DYNC2H1: variants seen among roughly 807,000 people sequenced by gnomAD.
DYNC2H1 encodes dynein cytoplasmic 2 heavy chain 1, also known as cytoplasmic dynein 2 heavy chain 1.
A neutral mutation model predicts 570.0 loss-of-function variants in DYNC2H1; 410 were observed. The ratio of observed to expected loss-of-function variants is 0.72; its 90% CI spans 0.66 to 0.78. The LOEUF (loss-of-function observed/expected upper bound fraction) is 0.78. DYNC2H1 is among the 30% of genes least tolerant of loss of function. DYNC2H1 has a pLI of 0.00. For missense variants in DYNC2H1, 4,865 were observed against 5,046.4 expected (o/e 0.96, Z 1.09); for synonymous variants, 1,688 against 1,677.6 (o/e 1.01, Z -0.15).
chr11:103,335,994 GAC>G (rs1457649346), intron 82 of DYNC2H1, among the ~76,000 whole-genome samples: 2 of 152,114 alleles, frequency 1.3e-5, no homozygotes, highest in Non-Finnish European at 2.9e-5. Context: ...ATGCCTGTAT[GAC>G]ACACTCAGAG....
intron 83 of DYNC2H1, among the ~76,000 whole-genome samples, chr11:103,374,462 C>T (rs572602345): frequency 1.6e-4 from 24 of 152,172 alleles, no homozygotes; most frequent in African/African-American, 4.3e-4. Flanking sequence ...TACCCAAGAA[C>T]GTGGAAAGCA....
intron 87 of DYNC2H1, among the ~76,000 whole-genome samples, chr11:103,462,760 T>TA (rs1945060999): frequency 6.6e-6 from 1 of 152,228 alleles, no homozygotes; most frequent in Non-Finnish European, 1.5e-5. Context: ...CTTGTATATC[T>TA]AATGTTTCAG....
chr11:103,376,932 C>T (rs1452282352), intron 83 of DYNC2H1, among the ~76,000 whole-genome samples: 34 of 152,086 alleles, frequency 2.2e-4, no homozygotes, highest in Admixed American at 1.6e-3. Context: ...TGATTTTTTT[C>T]TCAGTACTTT....
At position 103,109,445 on chromosome 11, in the gene DYNC2H1, A is replaced by T. The variant is rs1267749441; in HGVS notation, c.-130A>T. On this transcript the variant is annotated 5_prime_UTR_variant, in exon 1 of 89. Transcript: ENST00000375735. ...GTCGCCATAGCGACTACCCCTGGCA[A>T]CCGCGAAGCTCTGCGGTCCCGCGGT... The T allele has an allele frequency of 1.1e-6, 1 of 904,146 alleles. No individual in the cohort carries two copies. The highest frequency in any genetic ancestry group is 1.7e-5 in the African/African-American group (1 of 59,374). The allele number at this position is 904,146 out of a possible 1,614,324, so 56.0% of individuals were successfully genotyped here.
chr11:103,219,504 T>C (rs1192480141), intron 55 of DYNC2H1, among the ~76,000 whole-genome samples: 1 of 151,956 alleles, frequency 6.6e-6, no homozygotes, highest in Admixed American at 6.6e-5. Context: ...CCCAGCTACT[T>C]GTGAGGCTGA....
At position 103,303,293 on chromosome 11, in the gene DYNC2H1, G is replaced by C. The variant is rs372378961; in HGVS notation, c.11256+40G>C. 2.3e-5 allele frequency: 36 copies of C among 1,586,266 alleles called. No individual in the cohort carries two copies. In the African/African-American group the frequency reaches 4.2e-4, roughly 18 times the overall value. ...TCCCGCTGTTTTTGTTTTTGCTATT[G>C]CTGTTCCCACACTTGATGATATTGG... On this transcript the variant is annotated intron_variant, in intron 76 of 88. Transcript: ENST00000375735.
intron 75 of DYNC2H1, among the ~76,000 whole-genome samples, chr11:103,296,957 C>T (rs1866857180): frequency 6.6e-6 from 1 of 151,898 alleles, no homozygotes; most frequent in South Asian, 2.1e-4. Context: ...CCTTTACTGG[C>T]TTCTTGTCTG....
intron 88 of DYNC2H1, among the ~76,000 whole-genome samples, chr11:103,470,813 C>T (rs773431140): frequency 3.3e-5 from 5 of 152,190 alleles, no homozygotes; most frequent in Non-Finnish European, 4.4e-5. Flanking sequence ...TCCAGTCTAT[C>T]GTTGTTGGAC....
rs186476812 is a variant in DYNC2H1, at chr11:103,111,801, T to C, written c.196-1736T>C. Among the ~76,000 whole-genome samples the C allele has an allele frequency of 3.9e-5, 6 of 152,348 alleles. No homozygotes were observed. The East Asian group carries it at 1.2e-3, about 29-fold the overall frequency. ...AGTCATATTTGAAAATATTTTGTTA[T>C]GTCTTCAGTTGTACTTTAGTTGCCT... is the stretch of plus-strand genomic sequence containing the variant. On this transcript the variant is annotated intron_variant, in intron 1 of 88. Coordinates refer to ENST00000375735, the MANE Select transcript of DYNC2H1 (RefSeq NM_001377.3).
At chr11:103,399,303 C>T (rs112447483) in intron 83 of DYNC2H1, among the ~76,000 whole-genome samples, 4,351 of 138,570 alleles carry the variant, frequency 0.031, 227 homozygotes, top group African/African-American at 0.11. Context: ...CCACCATATT[C>T]GGCTAATTTT....
chr11:103,479,336 T>A lies in DYNC2H1; in HGVS notation c.*83T>A. 1 of 1,443,810 alleles carries A rather than the reference T, an allele frequency of 6.9e-7. No homozygotes were observed. The highest frequency in any genetic ancestry group is 9.2e-7 in the Non-Finnish European group (1 of 1,088,324). 89.4% of individuals were successfully genotyped at this position (1,443,810 alleles called of 1,614,324 possible). The stretch of plus-strand genomic sequence containing the variant: ...AAATCAAACATGTGGTCAGTCTACA[T>A]TTGAAATGTTAGTTCAAAATATTAA... On this transcript the variant is annotated 3_prime_UTR_variant, in exon 89 of 89. Transcript: ENST00000375735.
At chr11:103,351,536 G>T (rs1000644305) in intron 82 of DYNC2H1, among the ~76,000 whole-genome samples, 1 of 152,102 alleles carries the variant, frequency 6.6e-6, no homozygotes, top group Non-Finnish European at 1.5e-5. Context: ...GGGGTAATTT[G>T]TTAAGAATTT....
Position 103,166,002 on chromosome 11 carries a change from G to A in DYNC2H1, c.4716G>A (p.Glu1572=), listed in dbSNP as rs1362038965. 5 of 1,535,676 alleles carry A rather than the reference G, an allele frequency of 3.3e-6. No homozygotes were observed. Among genetic ancestry groups the A allele is most frequent in the Non-Finnish European group, 4.4e-6 (5 of 1,139,898 alleles). ...AAACACAACTGGTGAATAAGTTAGA[G>A]CAATATACTAACATTGATACAAGTT... The part of the protein sequence containing the change: ...QIETQLVNKL[E]QYTNIDTSSE... The change falls in exon 31 of 89, where the codon GAG becomes GAA. Residue 1572 remains glutamate (E), a synonymous_variant. Coordinates refer to ENST00000375735, the MANE Select transcript of DYNC2H1 (RefSeq NM_001377.3).
At position 103,216,903 on chromosome 11, in the gene DYNC2H1, T is replaced by C. The variant is rs548087013; in HGVS notation, c.8832+1045T>C. The stretch of plus-strand genomic sequence containing the variant: ...TTATGAGTTTTCTTTCCTGTATTTC[T>C]TTCCTCAGATTATGGTACTATAATA... On this transcript the variant is annotated intron_variant, in intron 55 of 88. Coordinates refer to ENST00000375735, the MANE Select transcript of DYNC2H1 (RefSeq NM_001377.3). 2.0e-5 allele frequency among the ~76,000 whole-genome samples: 3 copies of C among 152,318 alleles called. No individual in the cohort carries two copies. In the South Asian group the frequency reaches 6.2e-4, roughly 32 times the overall value.
In DYNC2H1 at chr11:103,289,157, C is replaced by T. The variant is rs115279565; in HGVS notation, c.11095+1552C>T. On this transcript the variant is annotated intron_variant, in intron 75 of 88. Transcript: ENST00000375735. The surrounding 1 kb of genome is among the most constrained non-coding windows in gnomAD (Gnocchi z 4.2). ...CACTGTGATTCCATCTCCAATGTGA[C>T]CAATCAGCACTCCCCACTTCCTAAG... Among the ~76,000 whole-genome samples the T allele has an allele frequency of 0.012, 1,845 of 152,270 alleles. 44 individuals carry two copies. The highest frequency in any genetic ancestry group is 0.042 in the African/African-American group (1,740 of 41,542).
intron 80 of DYNC2H1, among the ~76,000 whole-genome samples, chr11:103,317,479 TA>T (rs1363184828): frequency 6.6e-6 from 1 of 152,134 alleles, no homozygotes; most frequent in African/African-American, 2.4e-5. Flanking sequence ...GTCCAAGCAA[TA>T]ATTTCTTACC....
chr11:103,134,243 A>G, intron 14 of DYNC2H1, 78 bp from the exon 15 acceptor site: 1 of 1,219,036 alleles, frequency 8.2e-7, no homozygotes, highest in African/African-American at 1.5e-5. Flanking sequence ...TTAAGGTGGT[A>G]TCTGTCAGGT....
chr11:103,256,005 A>G lies in DYNC2H1; in HGVS notation c.10327-101A>G, dbSNP rs568733415. ...GTTGAAATTCTTCTAAAATAACATA[A>G]GTTGCCATAAACATCAAATGAATGA... is the stretch of plus-strand genomic sequence containing the variant. On this transcript the variant is annotated intron_variant, in intron 67 of 88. Coordinates refer to ENST00000375735, the MANE Select transcript of DYNC2H1 (RefSeq NM_001377.3). This position sits in a 1 kb window ranked among gnomAD's most constrained non-coding sequence, Gnocchi z 4.0. 207 of 1,016,304 alleles carry G rather than the reference A, an allele frequency of 2.0e-4. No individual in the cohort carries two copies. Among genetic ancestry groups the G allele is most frequent in the Non-Finnish European group, 2.7e-4 (197 of 725,944 alleles). 63.0% of individuals were successfully genotyped at this position (1,016,304 alleles called of 1,614,324 possible). A position where few individuals can be genotyped will look rare whatever the true frequency, so the allele number is the denominator to read the frequency against.
In DYNC2H1 at chr11:103,260,009, T is replaced by C. The variant is rs753201730; in HGVS notation, c.10695+32T>C. ...AGCATCATATTTTTCAAATATAAAA[T>C]ACTACTTGTTCTGTGATTTAACGTA... is the stretch of plus-strand genomic sequence containing the variant. On this transcript the variant is annotated intron_variant, in intron 70 of 88. Coordinates refer to ENST00000375735, the MANE Select transcript of DYNC2H1 (RefSeq NM_001377.3). The C allele has an allele frequency of 2.6e-5, 30 of 1,149,272 alleles. No homozygotes were observed. In the South Asian group the frequency reaches 4.6e-4, roughly 17 times the overall value. 71.2% of individuals were successfully genotyped at this position (1,149,272 alleles called of 1,614,324 possible).
Sources: allele counts gnomAD v4.1 joint callset (sites outside exome capture counted in the v4.1 genomes callset), GRCh38; gene constraint gnomAD v4.1.1; non-coding constraint Gnocchi (gnomAD v3.1); transcripts MANE v1.5; gene names NCBI Gene and HGNC (gene_info 2026-07-23, HGNC 2026-07-21).